ACOXL: variants seen among roughly 807,000 people sequenced by gnomAD.
ACOXL encodes the protein acyl-CoA oxidase like, also known as acyl-coenzyme A oxidase-like protein.
In ACOXL, 70 loss-of-function variants were observed where a neutral mutation model predicts 71.9. The observed-to-expected ratio is 0.97, with a 90% confidence interval of 0.80 to 1.19. The LOEUF (loss-of-function observed/expected upper bound fraction) is 1.19, where lower values mean the gene tolerates loss of function less well. ACOXL is among the 50% of genes most tolerant of loss of function. The pLI is 0.00. For synonymous variants in ACOXL, 253 were observed against 281.6 expected, an observed-to-expected ratio of 0.90 and a Z score of 1.02; for missense variants, 703 against 736.3, an observed-to-expected ratio of 0.95 and a Z score of 0.52.
At chr2:110,807,619 G>T (rs951140100) in intron 9 of ACOXL, among the ~76,000 whole-genome samples, 7 of 152,212 alleles carry the variant, frequency 4.6e-5, no homozygotes, top group Non-Finnish European at 5.9e-5. Flanking sequence ...CAATGGGATT[G>T]TCAGGCAGTG....
chr2:111,068,812 C>T (rs17549841), intron 16 of ACOXL, among the ~76,000 whole-genome samples: 12,170 of 152,252 alleles, frequency 0.08, 609 homozygotes, highest in Non-Finnish European at 0.11. Flanking sequence ...GGATTCTTCT[C>T]AGCTCATTCT....
At chr2:110,797,502 G>A (rs1443318665) in intron 5 of ACOXL, among the ~76,000 whole-genome samples, 1 of 152,118 alleles carries the variant, frequency 6.6e-6, no homozygotes, top group Non-Finnish European at 1.5e-5. Flanking sequence ...ATAAAAATTG[G>A]GCTGCTACTC....
chr2:111,044,799 G>T (rs2065938685), intron 15 of ACOXL, among the ~76,000 whole-genome samples: 1 of 152,150 alleles, frequency 6.6e-6, no homozygotes, highest in Non-Finnish European at 1.5e-5. Context: ...AGGGGATGAG[G>T]CCATTGTAGA....
At chr2:110,782,476 G>T (rs7575376) in intron 2 of ACOXL, among the ~76,000 whole-genome samples, 147,169 of 152,332 alleles carry the variant, frequency 0.97, 71,121 homozygotes, top group East Asian at 1. Context: ...GGAGATGGAT[G>T]AGTACAAATA....
At chr2:110,811,816 G>GTT (rs1166612894) in intron 9 of ACOXL, among the ~76,000 whole-genome samples, 1 of 147,892 alleles carries the variant, frequency 6.8e-6, no homozygotes, top group Admixed American at 6.8e-5. Context: ...GACCTACTTG[G>GTT]TTGCTGGGGA....
At chr2:111,043,649 A>G (rs1217378162) in intron 15 of ACOXL, among the ~76,000 whole-genome samples, 1 of 152,154 alleles carries the variant, frequency 6.6e-6, no homozygotes, top group Non-Finnish European at 1.5e-5. Flanking sequence ...AAGGCTCTCA[A>G]GGAGAGGCTG....
chr2:110,866,781 C>G (rs1023120250), intron 10 of ACOXL, among the ~76,000 whole-genome samples: 1 of 152,188 alleles, frequency 6.6e-6, no homozygotes, highest in South Asian at 2.1e-4. Flanking sequence ...ACCGCCCCAT[C>G]TCCCCACTCA....
At chr2:110,881,773 G>A (rs1696681430) in intron 10 of ACOXL, among the ~76,000 whole-genome samples, 1 of 152,080 alleles carries the variant, frequency 6.6e-6, no homozygotes, top group Non-Finnish European at 1.5e-5. Context: ...CTTTTAATCA[G>A]TGTAATTATT....
intron 10 of ACOXL, among the ~76,000 whole-genome samples, chr2:110,871,994 A>G (rs765211053): frequency 1.3e-5 from 2 of 152,252 alleles, no homozygotes; most frequent in Non-Finnish European, 2.9e-5. Flanking sequence ...AATGATTGTC[A>G]TTGCTCACAA....
At chr2:110,758,116 C>G (rs1209392501) in intron 1 of ACOXL, among the ~76,000 whole-genome samples, 1 of 152,156 alleles carries the variant, frequency 6.6e-6, no homozygotes, top group Admixed American at 6.5e-5. Flanking sequence ...CTATAACTTG[C>G]CAGCTCTCCC....
chr2:110,836,616 T>C (rs1409177049), intron 9 of ACOXL, among the ~76,000 whole-genome samples: 1 of 152,238 alleles, frequency 6.6e-6, no homozygotes, highest in Non-Finnish European at 1.5e-5. Context: ...TCCCTTCACG[T>C]TTCTTTTTCC....
At chr2:110,794,492 T>TGTAGTC (rs1685044610) in intron 5 of ACOXL, among the ~76,000 whole-genome samples, 1 of 152,214 alleles carries the variant, frequency 6.6e-6, no homozygotes, top group African/African-American at 2.4e-5. Flanking sequence ...AAAACCATTT[T>TGTAGTC]GTAGTCGTCC....
intron 15 of ACOXL, among the ~76,000 whole-genome samples, chr2:111,038,918 A>G (rs941700543): frequency 1.3e-5 from 2 of 152,190 alleles, no homozygotes; most frequent in Admixed American, 6.5e-5. Context: ...AGAAAAAGCA[A>G]CTGTCTGTTG....
intron 16 of ACOXL, among the ~76,000 whole-genome samples, chr2:111,077,057 T>C (rs1003104751): frequency 2.0e-5 from 3 of 152,218 alleles, no homozygotes; most frequent in Non-Finnish European, 4.4e-5. Context: ...AAGGCCCTTT[T>C]CCCTTATAAA....
At chr2:110,846,615 A>T (rs1055140335) in intron 10 of ACOXL, among the ~76,000 whole-genome samples, 1 of 145,696 alleles carries the variant, frequency 6.9e-6, no homozygotes, top group Non-Finnish European at 1.5e-5. Flanking sequence ...ATCCTCCCGC[A>T]TGTGAGCATG....
chr2:111,002,888 G>T (rs891803219), intron 14 of ACOXL, among the ~76,000 whole-genome samples: 2 of 152,200 alleles, frequency 1.3e-5, no homozygotes. Context: ...AATCCAAAAT[G>T]CTCTAATGAA....
intron 14 of ACOXL, among the ~76,000 whole-genome samples, chr2:111,016,930 G>GA (rs11439210): frequency 0.9 from 136,759 of 152,234 alleles, 61,690 homozygotes; most frequent in African/African-American, 0.97. Context: ...GCCAGTCATG[G>GA]AGTTGGGCAA....
At chr2:110,991,907 A>G (rs2063189745) in intron 13 of ACOXL, among the ~76,000 whole-genome samples, 2 of 152,196 alleles carry the variant, frequency 1.3e-5, no homozygotes, top group Non-Finnish European at 1.5e-5. Context: ...CCTCCAATGT[A>G]TTAGTTTGAA....
intron 3 of ACOXL, 84 bp downstream of exon 3, chr2:110,784,899 T>G: frequency 7.7e-7 from 1 of 1,302,694 alleles, no homozygotes. Context: ...CCGTGAGCTC[T>G]CTCAGTCTAT....
Sources: gnomAD v4.1 joint callset for allele counts (sites outside exome capture counted in the v4.1 genomes callset) on GRCh38, gnomAD v4.1.1 for gene constraint, MANE v1.5 for transcripts, NCBI Gene and HGNC (gene_info 2026-07-23, HGNC 2026-07-21) for gene names.